LHX2: variants seen among roughly 807,000 people sequenced by gnomAD.
The protein encoded by LHX2 is LIM/homeobox protein Lhx2.
In LHX2, 6 loss-of-function variants were observed where a neutral mutation model predicts 33.0. That is an observed-to-expected ratio of 0.18 (90% CI 0.10 to 0.36). LHX2 has a LOEUF of 0.36. Among genes scored for constraint, LHX2 ranks in the 10% least tolerant of loss-of-function variants. The pLI is 1.00. For synonymous variants in LHX2, 292 were observed against 253.1 expected, an observed-to-expected ratio of 1.15 and a Z score of -1.46; for missense variants, 442 against 586.2, an observed-to-expected ratio of 0.75 and a Z score of 2.54.
In LHX2 at chr9:124,032,411, C is replaced by T. The variant is rs778820284; in HGVS notation, c.934-9C>T. On this transcript the variant is annotated splice_polypyrimidine_tract_variant and intron_variant, in intron 4 of 4. Coordinates refer to ENST00000373615, the MANE Select transcript of LHX2 (RefSeq NM_004789.4). The surrounding 1 kb of genome is among the most constrained non-coding windows in gnomAD (Gnocchi z 4.1). ...CCGCTCACCAGCCCTTCCCTGTCGT[C>T]CCCCGCAGGTCTGGTTCCAGAACGC... is the stretch of plus-strand genomic sequence containing the variant. The T allele has an allele frequency of 1.3e-6, 2 of 1,573,616 alleles. No homozygotes were observed. The highest frequency in any genetic ancestry group is 1.7e-6 in the Non-Finnish European group (2 of 1,159,222).
chr9:124,016,962 C>T lies in LHX2; in HGVS notation c.727+1437C>T, dbSNP rs1239774394. 1.3e-5 allele frequency among the ~76,000 whole-genome samples: 2 copies of T among 152,146 alleles called. No homozygotes were observed. Among genetic ancestry groups the T allele is most frequent in the African/African-American group, 4.8e-5 (2 of 41,436 alleles). ...CGGAAGCACCTCGCGGGGCTCGGCT[C>T]CAGGGCACCTGGTGGCTGGGGAGCT... On this transcript the variant is annotated intron_variant, in intron 3 of 4. Coordinates refer to ENST00000373615, the MANE Select transcript of LHX2 (RefSeq NM_004789.4). This position sits in a 1 kb window ranked among gnomAD's most constrained non-coding sequence, Gnocchi z 4.4.
At chr9:124,027,192 T>G (rs1828637940) in intron 4 of LHX2, among the ~76,000 whole-genome samples, 1 of 152,180 alleles carries the variant, frequency 6.6e-6, no homozygotes, top group African/African-American at 2.4e-5. Context: ...TAAAGAAAAC[T>G]TCTTTAAAAG....
In LHX2 at chr9:124,015,558, G is replaced by A; in HGVS notation, c.727+33G>A. ...CGCGGCGCACGAAGCGCCCCCATAG[G>A]GTTGGGGGAAAGTGTGCGGCCTCGA... is the stretch of plus-strand genomic sequence containing the variant. On this transcript the variant is annotated intron_variant, in intron 3 of 4. Transcript: ENST00000373615. This position sits in a 1 kb window ranked among gnomAD's most constrained non-coding sequence, Gnocchi z 7.9. The A allele has an allele frequency of 6.9e-7, 1 of 1,447,024 alleles. No homozygotes were observed. Among genetic ancestry groups the A allele is most frequent in the Non-Finnish European group, 9.1e-7 (1 of 1,097,484 alleles). 89.6% of individuals were successfully genotyped at this position (1,447,024 alleles called of 1,614,324 possible).
At chr9:124,027,585 G>A (rs752570564) in intron 4 of LHX2, among the ~76,000 whole-genome samples, 4 of 152,090 alleles carry the variant, frequency 2.6e-5, no homozygotes, top group Admixed American at 1.3e-4. Flanking sequence ...TTGGGAGGCC[G>A]AGGTGGGCAG....
intron 3 of LHX2, among the ~76,000 whole-genome samples, chr9:124,020,376 A>G (rs1859271841): frequency 6.6e-6 from 1 of 152,090 alleles, no homozygotes; most frequent in Admixed American, 6.5e-5. Context: ...CGGAGAAACA[A>G]TCATCTTACA....
At chr9:124,021,052 G>A in intron 3 of LHX2, 47 bp from the exon 4 acceptor site, 2 of 1,575,156 alleles carry the variant, frequency 1.3e-6, no homozygotes, top group African/African-American at 1.3e-5. Context: ...TTTGGCATGG[G>A]GGGCGGGTCA....
intron 4 of LHX2, among the ~76,000 whole-genome samples, chr9:124,028,432 G>A (rs902848181): frequency 2.0e-5 from 3 of 152,190 alleles, no homozygotes; most frequent in Non-Finnish European, 4.4e-5. Context: ...GGTGGGTGGG[G>A]CAGACTGCAC....
intron 4 of LHX2, among the ~76,000 whole-genome samples, chr9:124,029,657 C>T (rs950508285): frequency 2.0e-5 from 3 of 152,284 alleles, no homozygotes. Context: ...GGTCTTGGAG[C>T]CCCGGATGGA....
chr9:124,027,342 T>A (rs980117242), intron 4 of LHX2, among the ~76,000 whole-genome samples: 2 of 151,954 alleles, frequency 1.3e-5, no homozygotes, highest in Non-Finnish European at 2.9e-5. Context: ...GATTTAGAGG[T>A]TAAGTAGTGG....
rs1859199551 is a variant in LHX2, at chr9:124,016,876, GT to G, written c.727+1353del. ...ACCCCCCAAAAAAAGACAAAACCGA[GT>G]TCAGACCGGCTCCCCCAACACCAAG... On this transcript the variant is annotated intron_variant, in intron 3 of 4. Coordinates refer to ENST00000373615, the MANE Select transcript of LHX2 (RefSeq NM_004789.4). The surrounding 1 kb of genome is among the most constrained non-coding windows in gnomAD (Gnocchi z 4.4). Among the ~76,000 whole-genome samples, 1 of 152,134 alleles carries G rather than the reference GT, an allele frequency of 6.6e-6. No homozygotes were observed. Among genetic ancestry groups the G allele is most frequent in the Admixed American group, 6.5e-5 (1 of 15,272 alleles).
At position 124,032,795 on chromosome 9, in the gene LHX2, A is replaced by C; in HGVS notation, c.*88A>C. On this transcript the variant is annotated 3_prime_UTR_variant, in exon 5 of 5. Coordinates refer to ENST00000373615, the MANE Select transcript of LHX2 (RefSeq NM_004789.4). The surrounding 1 kb of genome is among the most constrained non-coding windows in gnomAD (Gnocchi z 4.1). ...AGTGTATTTTAAAATAGAGGCTTTG[A>C]GCAACTAACTAACCACATTTTAGGA... 1 of 1,381,920 alleles carries C rather than the reference A, an allele frequency of 7.2e-7. No homozygotes were observed. The highest frequency in any genetic ancestry group is 1.5e-5 in the South Asian group (1 of 68,426). The allele number at this position is 1,381,920 out of a possible 1,614,324, so 85.6% of individuals were successfully genotyped here.
chr9:124,027,854 A>G (rs1828650323), intron 4 of LHX2, among the ~76,000 whole-genome samples: 1 of 152,136 alleles, frequency 6.6e-6, no homozygotes, highest in Admixed American at 6.5e-5. Flanking sequence ...GAGGAATAGT[A>G]TTCATCATTA....
Position 124,032,642 on chromosome 9 carries a change from C to A in LHX2, c.1156C>A (p.Pro386Thr). 9 of 1,613,902 alleles carry A rather than the reference C, an allele frequency of 5.6e-6. No homozygotes were observed. Among genetic ancestry groups the A allele is most frequent in the Non-Finnish European group, 7.6e-6 (9 of 1,179,842 alleles). The change falls in exon 5 of 5, where the codon CCT becomes ACT. Residue 386 changes from proline to threonine, a missense_variant. Physicochemically the swap from Pro to Thr is conservative, Grantham distance 38. Coordinates refer to ENST00000373615, the MANE Select transcript of LHX2 (RefSeq NM_004789.4). This position sits in a 1 kb window ranked among gnomAD's most constrained non-coding sequence, Gnocchi z 4.1. ...TGTGACGTCCGTCTTAACTTCTGTG[C>A]CTGGCAACCTGGAGGGCCATGAGCC... is the stretch of plus-strand genomic sequence containing the variant. ...PTVTSVLTSV[P>T]GNLEGHEPHS...
chr9:124,025,760 G>GAT (rs746043079), intron 4 of LHX2, among the ~76,000 whole-genome samples: 2 of 152,152 alleles, frequency 1.3e-5, no homozygotes, highest in Non-Finnish European at 2.9e-5. Context: ...GAAGTGGGCA[G>GAT]ATCACTTGAG....
rs1859112577 is a variant in LHX2 at position 124,012,608 on chromosome 9, C to T, written c.120+140C>T. The T allele has an allele frequency of 1.9e-6, 2 of 1,051,900 alleles. No individual in the cohort carries two copies. The highest frequency in any genetic ancestry group is 1.3e-6 in the Non-Finnish European group (1 of 792,590). 65.2% of individuals were successfully genotyped at this position (1,051,900 alleles called of 1,614,324 possible). On this transcript the variant is annotated intron_variant, in intron 1 of 4. Coordinates refer to ENST00000373615, the MANE Select transcript of LHX2 (RefSeq NM_004789.4). This position sits in a 1 kb window ranked among gnomAD's most constrained non-coding sequence, Gnocchi z 4.3. ...GGGGATCCTCGGTCAGAATGCAAGG[C>T]CGGTGGCTCCCGGTTCGGGGGAAAC...
intron 4 of LHX2, among the ~76,000 whole-genome samples, chr9:124,027,550 G>A (rs1156866144): frequency 6.6e-6 from 1 of 151,994 alleles, no homozygotes; most frequent in African/African-American, 2.4e-5. Flanking sequence ...TGGGTGTGGT[G>A]TCTCCTGCCT....
intron 4 of LHX2, among the ~76,000 whole-genome samples, chr9:124,025,519 T>C (rs142681610): frequency 7.2e-4 from 110 of 151,896 alleles, no homozygotes; most frequent in Non-Finnish European, 9.1e-4. Context: ...GAAGTCTCTC[T>C]GAGTTGCTTT....
At chr9:124,023,937 G>A (rs78317034) in intron 4 of LHX2, among the ~76,000 whole-genome samples, 1 of 152,158 alleles carries the variant, frequency 6.6e-6, no homozygotes, top group African/African-American at 2.4e-5. Flanking sequence ...GTACCAGGCA[G>A]CATGATCCCT....
At chr9:124,029,715 C>G (rs1157275764) in intron 4 of LHX2, among the ~76,000 whole-genome samples, 1 of 152,216 alleles carries the variant, frequency 6.6e-6, no homozygotes, top group Non-Finnish European at 1.5e-5. Flanking sequence ...TCGACCCAGG[C>G]TCCCCGCTCC....
Sources: allele counts gnomAD v4.1 joint callset (sites outside exome capture counted in the v4.1 genomes callset), GRCh38; gene constraint gnomAD v4.1.1; non-coding constraint Gnocchi (gnomAD v3.1); transcripts MANE v1.5; gene names NCBI Gene and HGNC (gene_info 2026-07-23, HGNC 2026-07-21).